Variants in LRRC34 observed in about 807,000 individuals in gnomAD.
The protein encoded by LRRC34 is leucine rich repeat containing 34.
LRRC34 carries 44 observed loss-of-function variants against 48.5 expected under a neutral mutation model. The ratio of observed to expected loss-of-function variants is 0.91; its 90% CI spans 0.71 to 1.17. The LOEUF (loss-of-function observed/expected upper bound fraction) is 1.17. LRRC34 is among the 50% of genes most tolerant of loss of function. The pLI is 0.00. For missense variants in LRRC34, 502 were observed against 563.0 expected, an observed-to-expected ratio of 0.89 and a Z score of 1.10; for synonymous variants, 192 against 197.6, an observed-to-expected ratio of 0.97 and a Z score of 0.24.
Position 169,812,449 on chromosome 3 carries a change from G to A in LRRC34, c.100C>T (p.Gln34Ter), listed in dbSNP as rs1282132553. Residue 34 changes from glutamine (Q) to a stop codon, truncating the protein, a stop_gained, in exon 1 of 11, where the codon CAG becomes TAG. Coordinates refer to ENST00000446859, the MANE Select transcript of LRRC34 (RefSeq NM_001172779.2). LOFTEE classifies it high-confidence loss of function. This position sits in a 1 kb window ranked among gnomAD's most constrained non-coding sequence, Gnocchi z 4.3. ...PARSPAWAST[Q>*]ASTPGAALAV... ...AGGGCCGCGCCCGGAGTACTGGCCT[G>A]AGTGGAGGCCCAAGCCGGGGACCTG... is the stretch of plus-strand genomic sequence containing the variant. 6.5e-7 allele frequency: 1 copy of A among 1,532,058 alleles called. No homozygotes were observed. The highest frequency in any genetic ancestry group is 8.7e-7 in the Non-Finnish European group (1 of 1,145,668). The allele number at this position is 1,532,058 out of a possible 1,614,324, so 94.9% of individuals were successfully genotyped here.
chr3:169,794,060 A>G (rs145370117), intron 10 of LRRC34: 1 of 419,920 alleles, frequency 2.4e-6, no homozygotes, highest in East Asian at 4.2e-5. Flanking sequence ...ACTTATTTCT[A>G]ACTTTTAATG....
chr3:169,807,721 CAAAAAAAAAAAA>C lies in LRRC34; in HGVS notation c.258-24_258-13del, dbSNP rs377198673. The C allele has an allele frequency of 2.3e-5, 20 of 883,732 alleles. 1 individual carries two copies. The African/African-American group carries it at 3.4e-4, about 15-fold the overall frequency. 54.7% of individuals were successfully genotyped at this position (883,732 alleles called of 1,614,324 possible). ...TTCCTGCTGCTAGCCTGTTAAAATA[CAAAAAAAAAAAA>C]AAAAAAAAAAGATTTTGAAATAGAA... On this transcript the variant is annotated splice_polypyrimidine_tract_variant and intron_variant, in intron 2 of 10. Transcript: ENST00000446859.
chr3:169,793,050 A>G lies in LRRC34; in HGVS notation c.*585T>C, dbSNP rs1560593537. ...TTTATATAAAGGTCAAGAACAGGCAAAACTACTCTGTGGGGTTAGAAGTCA... is the reference window on the plus strand; with the variant it reads ...TTTATATAAAGGTCAAGAACAGGCAGAACTACTCTGTGGGGTTAGAAGTCA... On this transcript the variant is annotated 3_prime_UTR_variant, in exon 11 of 11. Transcript: ENST00000446859. Among the ~76,000 whole-genome samples the G allele has an allele frequency of 6.6e-6, 1 of 152,214 alleles. No individual in the cohort carries two copies. Among genetic ancestry groups the G allele is most frequent in the African/African-American group, 2.4e-5 (1 of 41,446 alleles).
At position 169,793,261 on chromosome 3, in the gene LRRC34, C is replaced by T. The variant is rs929441324; in HGVS notation, c.*374G>A. Among the ~76,000 whole-genome samples, 2 of 152,208 alleles carry T rather than the reference C, an allele frequency of 1.3e-5. No individual in the cohort carries two copies. The highest frequency in any genetic ancestry group is 2.9e-5 in the Non-Finnish European group (2 of 68,030). The stretch of plus-strand genomic sequence containing the variant: ...GAACTTTGAAACCCTTTGAAAGTCA[C>T]TGGTAATTTTCTACCACAAACCTTT... On this transcript the variant is annotated 3_prime_UTR_variant, in exon 11 of 11. Transcript: ENST00000446859.
At chr3:169,801,526 T>C (rs1477032634) in intron 6 of LRRC34, among the ~76,000 whole-genome samples, 1 of 152,196 alleles carries the variant, frequency 6.6e-6, no homozygotes, top group Non-Finnish European at 1.5e-5. Flanking sequence ...TCATTACCCC[T>C]CAGAGCTTTT....
chr3:169,810,707 C>T (rs1779531029), intron 1 of LRRC34, among the ~76,000 whole-genome samples: 1 of 152,234 alleles, frequency 6.6e-6, no homozygotes, highest in Non-Finnish European at 1.5e-5. Flanking sequence ...CACAACACTT[C>T]TCAGGGCATT....
At position 169,804,190 on chromosome 3, in the gene LRRC34, G is replaced by A; in HGVS notation, c.529-9C>T. ...TTCAGAGTCCGATTCTTCTGAAAAGGAAAAAAAACTTATTTAATAATTGTT... is the reference window on the plus strand; with the variant it reads ...TTCAGAGTCCGATTCTTCTGAAAAGAAAAAAAAACTTATTTAATAATTGTT... On this transcript the variant is annotated splice_polypyrimidine_tract_variant and intron_variant, in intron 5 of 10. Coordinates refer to ENST00000446859, the MANE Select transcript of LRRC34 (RefSeq NM_001172779.2). The A allele has an allele frequency of 1.3e-6, 2 of 1,550,978 alleles. No individual in the cohort carries two copies. Among genetic ancestry groups the A allele is most frequent in the Admixed American group, 2.0e-5 (1 of 49,978 alleles).
chr3:169,797,202 GA>G (rs891895388), intron 7 of LRRC34, among the ~76,000 whole-genome samples: 16 of 150,532 alleles, frequency 1.1e-4, no homozygotes, highest in African/African-American at 3.2e-4. Flanking sequence ...ATTTCGAAAG[GA>G]AAAAAAAATT....
rs1296259647 is a variant in LRRC34, at chr3:169,800,682, G to C, written c.730C>G (p.Arg244Gly). ...ACCTGTTCACTGTACAGTATAGGTC[G>C]GTTTAGGTTTATTGCCTTAATTGCT... is the stretch of plus-strand genomic sequence containing the variant. Reference protein sequence around the residue: ...NQAIKAINLNRPILYSEQEES... With the variant: ...NQAIKAINLNGPILYSEQEES... Residue 244 changes from arginine to glycine, a missense_variant, in exon 7 of 11, where the codon CGA becomes GGA. Coordinates refer to ENST00000446859, the MANE Select transcript of LRRC34 (RefSeq NM_001172779.2). 3.9e-6 allele frequency: 6 copies of C among 1,533,966 alleles called. No homozygotes were observed.
intron 5 of LRRC34, among the ~76,000 whole-genome samples, chr3:169,806,447 C>T (rs568801983): frequency 1.1e-4 from 17 of 152,044 alleles, no homozygotes; most frequent in East Asian, 9.7e-4. Flanking sequence ...CATAGAGAGA[C>T]GAAGTAGGTT....
intron 1 of LRRC34, among the ~76,000 whole-genome samples, chr3:169,810,483 T>C (rs1779522754): frequency 6.6e-6 from 1 of 152,192 alleles, no homozygotes; most frequent in Non-Finnish European, 1.5e-5. Flanking sequence ...AATAGCATAA[T>C]TTCTGTCATG....
rs1660292645 is a variant in LRRC34, at chr3:169,795,968, GA to G, written c.1064+245del. Reference sequence around the variant, plus strand: ...TTCTGAGTTTTCTATTAGAATTCAGGATAAGTAATATAAGCAATGCAAATTT... The same window carrying G: ...TTCTGAGTTTTCTATTAGAATTCAGGTAAGTAATATAAGCAATGCAAATTT... On this transcript the variant is annotated intron_variant, in intron 9 of 10. Transcript: ENST00000446859. The G allele has an allele frequency of 3.4e-5, 41 of 1,204,516 alleles. No homozygotes were observed. The South Asian group carries it at 1.2e-3, about 34-fold the overall frequency. 74.6% of individuals were successfully genotyped at this position (1,204,516 alleles called of 1,614,324 possible). A position where few individuals can be genotyped will look rare whatever the true frequency, so the allele number is the denominator to read the frequency against.
intron 5 of LRRC34, among the ~76,000 whole-genome samples, 195 bp downstream of exon 5, chr3:169,806,653 G>A (rs1165283979): frequency 6.6e-6 from 1 of 152,164 alleles, no homozygotes; most frequent in Admixed American, 6.5e-5. Context: ...ATGTATGTGA[G>A]TTAAATCTTA....
At chr3:169,797,458 C>CAGAAG (rs1437270605) in intron 7 of LRRC34, among the ~76,000 whole-genome samples, 1 of 152,028 alleles carries the variant, frequency 6.6e-6, no homozygotes, top group African/African-American at 2.4e-5. Context: ...TTCTGATCAT[C>CAGAAG]AGAAGACTTT....
chr3:169,811,998 G>T (rs1576752856), intron 1 of LRRC34, among the ~76,000 whole-genome samples: 1 of 152,216 alleles, frequency 6.6e-6, no homozygotes, highest in Non-Finnish European at 1.5e-5. Context: ...GTACAGAGGT[G>T]CAAAGTCAGA....
chr3:169,800,545 T>C (rs2108230974), intron 7 of LRRC34, 114 bp downstream of exon 7: 1 of 521,962 alleles, frequency 1.9e-6, no homozygotes, highest in Admixed American at 3.7e-5. Flanking sequence ...TTACAAGATA[T>C]AGTAAGTACA....
At chr3:169,807,175 T>C (rs1456965685) in intron 4 of LRRC34, among the ~76,000 whole-genome samples, 2 of 152,174 alleles carry the variant, frequency 1.3e-5, no homozygotes, top group Non-Finnish European at 2.9e-5. Context: ...ATATTTACCT[T>C]TGATCAATCT....
rs964580552 is a variant in LRRC34 at position 169,793,830 on chromosome 3, T to C, written c.1200A>G (p.Ser400=). The part of the protein sequence containing the change: ...KFDEATCIAY[S]DLIQMGCLKP... The stretch of plus-strand genomic sequence containing the variant: ...TTAGACAACCCATTTGAATTAAGTC[T>C]GAATATGCCTAGGATTTTTAGGAAA... The change falls in exon 11 of 11, where the codon TCA becomes TCG. Residue 400 remains serine (S), a synonymous_variant. Transcript: ENST00000446859. The C allele has an allele frequency of 1.2e-6, 2 of 1,604,406 alleles. No homozygotes were observed. Among genetic ancestry groups the C allele is most frequent in the African/African-American group, 2.7e-5 (2 of 74,504 alleles).
intron 7 of LRRC34, 113 bp downstream of exon 7, chr3:169,800,546 A>G: frequency 1.9e-6 from 1 of 536,728 alleles, no homozygotes; most frequent in Non-Finnish European, 3.1e-6. Context: ...TACAAGATAT[A>G]GTAAGTACAT....
Sources: gnomAD v4.1 joint callset for allele counts (sites outside exome capture counted in the v4.1 genomes callset) on GRCh38, gnomAD v4.1.1 for gene constraint, Gnocchi (gnomAD v3.1) non-coding constraint, MANE v1.5 for transcripts, NCBI Gene and HGNC (gene_info 2026-07-23, HGNC 2026-07-21) for gene names.